Variants in CCDC141 observed in about 807,000 individuals in gnomAD.
CCDC141 encodes the protein coiled-coil domain containing 141.
Under a neutral mutation model 181.0 loss-of-function variants are expected in CCDC141, and 168 were observed. That is an observed-to-expected ratio of 0.93 (90% CI 0.82 to 1.05). CCDC141 has a LOEUF of 1.05. Ranked by LOEUF, CCDC141 falls within the 50% of genes least tolerant of loss-of-function variation. The pLI is 0.00. For synonymous variants in CCDC141, 666 were observed against 642.3 expected (o/e 1.04, Z -0.56); for missense variants, 1,902 against 1,788.5 (o/e 1.06, Z -1.14).
intron 9 of CCDC141, among the ~76,000 whole-genome samples, 186 bp from the exon 10 acceptor site, chr2:178,887,057 G>A (rs1297134810): frequency 2.0e-5 from 3 of 152,136 alleles, no homozygotes; most frequent in African/African-American, 7.2e-5. Context: ...GCTCTTCATA[G>A]GAGGTAATAC....
At chr2:178,858,272 T>C (rs569380257) in intron 17 of CCDC141, among the ~76,000 whole-genome samples, 1 of 152,306 alleles carries the variant, frequency 6.6e-6, no homozygotes, top group Admixed American at 6.5e-5. Flanking sequence ...GTGAAATAAC[T>C]AGTAAGTATT....
chr2:178,988,237 T>C (rs954914037), intron 2 of CCDC141, among the ~76,000 whole-genome samples: 12 of 147,848 alleles, frequency 8.1e-5, no homozygotes, highest in African/African-American at 2.0e-4. Flanking sequence ...CCAAACACCG[T>C]ATATTCTCAC....
intron 10 of CCDC141, among the ~76,000 whole-genome samples, chr2:178,885,401 A>C (rs1686834662): frequency 6.6e-6 from 1 of 152,260 alleles, no homozygotes; most frequent in Admixed American, 6.5e-5. Flanking sequence ...AATTTAAATG[A>C]AATAATTATA....
intron 2 of CCDC141, among the ~76,000 whole-genome samples, chr2:178,983,860 G>A (rs1691570545): frequency 6.6e-6 from 1 of 150,822 alleles, no homozygotes; most frequent in South Asian, 2.1e-4. Context: ...GAAAGTGATG[G>A]GGAGAATGGA....
At chr2:178,874,697 G>C (rs1686278408) in intron 12 of CCDC141, 3 of 152,190 alleles carry the variant, frequency 2.0e-5, no homozygotes, top group Non-Finnish European at 2.9e-5. Context: ...TCCAGAGAGG[G>C]AAGAACCTGA....
rs61744343 is a variant in CCDC141 at position 178,961,345 on chromosome 2, C to T, written c.665G>A (p.Arg222His). 5.3e-4 allele frequency: 818 copies of T among 1,550,532 alleles called. 2 individuals are homozygous for T. In the African/African-American group the frequency reaches 8.4e-3, roughly 16 times the overall value. The change falls in exon 5 of 24, where the codon CGC becomes CAC. Residue 222 changes from arginine (R) to histidine (H), a missense_variant. Transcript: ENST00000443758. ...CCTGTCTTGTAGAAGTTCAAGAAGGCGGTCAACCTTCAGACAGCTGCTATG... is the reference window on the plus strand; with the variant it reads ...CCTGTCTTGTAGAAGTTCAAGAAGGTGGTCAACCTTCAGACAGCTGCTATG... ...GAHSSCLKVD[R>H]LLELLQDRRR...
rs550737835 is a variant in CCDC141, at chr2:178,865,147, G to A, written c.2724+620C>T. On this transcript the variant is annotated intron_variant, in intron 17 of 23. Coordinates refer to ENST00000443758, the MANE Select transcript of CCDC141 (RefSeq NM_173648.4). ...GAGATAGAATTAAGCATGTGGAGGT[G>A]CATGGATGTAGAAGATCACTTTGAT... Among the ~76,000 whole-genome samples, 212 of 152,316 alleles carry A rather than the reference G, an allele frequency of 1.4e-3. 1 individual carries two copies. Among genetic ancestry groups the A allele is most frequent in the Non-Finnish European group, 2.6e-3 (179 of 68,022 alleles).
At chr2:178,909,371 G>A (rs971673931) in intron 7 of CCDC141, among the ~76,000 whole-genome samples, 3 of 152,158 alleles carry the variant, frequency 2.0e-5, no homozygotes, top group African/African-American at 7.2e-5. Flanking sequence ...GTAGAAAGGA[G>A]GTAAGTGATT....
At chr2:178,825,103 T>C (rs564842499), downstream of CCDC141, among the ~76,000 whole-genome samples, 126 of 152,358 alleles carry the variant, frequency 8.3e-4, no homozygotes, top group Middle Eastern at 3.4e-3. Context: ...ATTAGTTGCA[T>C]TGAAAAGTTT....
At chr2:178,864,218 G>A (rs1235974244) in intron 17 of CCDC141, among the ~76,000 whole-genome samples, 8 of 152,158 alleles carry the variant, frequency 5.3e-5, no homozygotes, top group Non-Finnish European at 1.5e-5. Flanking sequence ...GGAAGAGAAG[G>A]AGGGAAAACG....
intron 21 of CCDC141, among the ~76,000 whole-genome samples, chr2:178,846,890 C>T (rs1374418977): frequency 6.6e-6 from 1 of 152,298 alleles, no homozygotes; most frequent in East Asian, 1.9e-4. Context: ...GAAAGGATTT[C>T]TATCACTATT....
At chr2:178,851,388 C>T (rs780713913) in intron 20 of CCDC141, among the ~76,000 whole-genome samples, 8 of 152,016 alleles carry the variant, frequency 5.3e-5, no homozygotes, top group East Asian at 1.9e-4. Flanking sequence ...ATTCCCAGTA[C>T]GTCAGAATGT....
chr2:179,040,035 T>C (rs2043252610), intron 2 of CCDC141, among the ~76,000 whole-genome samples: 1 of 152,126 alleles, frequency 6.6e-6, no homozygotes, highest in South Asian at 2.1e-4. Flanking sequence ...AGTGGCTGGA[T>C]TGAAAGTGGT....
At chr2:178,841,882 C>T (rs2154366281) in intron 22 of CCDC141, among the ~76,000 whole-genome samples, 1 of 152,332 alleles carries the variant, frequency 6.6e-6, no homozygotes, top group East Asian at 1.9e-4. Context: ...ATCTACCCGC[C>T]TTGGCCTCCC....
chr2:178,903,420 T>C (rs1049679242), intron 8 of CCDC141, among the ~76,000 whole-genome samples: 42 of 152,026 alleles, frequency 2.8e-4, no homozygotes, highest in African/African-American at 9.7e-4. Context: ...TGGAATACTA[T>C]GCAGTCATAA....
At chr2:179,025,628 T>TA (rs1163250895) in intron 2 of CCDC141, among the ~76,000 whole-genome samples, 1 of 152,184 alleles carries the variant, frequency 6.6e-6, no homozygotes, top group Admixed American at 6.5e-5. Flanking sequence ...AATGGACTAA[T>TA]ACAGTAAATT....
At chr2:178,947,172 A>C (rs1407903980) in intron 5 of CCDC141, among the ~76,000 whole-genome samples, 1 of 152,200 alleles carries the variant, frequency 6.6e-6, no homozygotes, top group East Asian at 1.9e-4. Flanking sequence ...CCACCCAGTA[A>C]ATCAGTCATT....
At chr2:178,970,099 C>T (rs148541122) in intron 4 of CCDC141, among the ~76,000 whole-genome samples, 4 of 152,306 alleles carry the variant, frequency 2.6e-5, no homozygotes, top group Non-Finnish European at 5.9e-5. Context: ...AAACTACCAA[C>T]CACCGCTCAA....
chr2:178,948,579 C>G (rs956475162), intron 5 of CCDC141, among the ~76,000 whole-genome samples: 1 of 152,102 alleles, frequency 6.6e-6, no homozygotes, highest in African/African-American at 2.4e-5. Flanking sequence ...CCTCTAAACC[C>G]TATGCTGAAA....
Sources: allele counts gnomAD v4.1 joint callset (sites outside exome capture counted in the v4.1 genomes callset), GRCh38; gene constraint gnomAD v4.1.1; transcripts MANE v1.5; gene names NCBI Gene and HGNC (gene_info 2026-07-23, HGNC 2026-07-21).